The following NRG3 variants were observed in gnomAD, a reference collection of about 807,000 sequenced individuals.
The protein encoded by NRG3 is neuregulin 3, also known as pro-neuregulin-3, membrane-bound isoform.
NRG3 carries 31 observed loss-of-function variants against 66.9 expected under a neutral mutation model. That is an observed-to-expected ratio of 0.46 (90% CI 0.35 to 0.63). NRG3 has a LOEUF of 0.63. Among genes scored for constraint, NRG3 ranks in the 20% least tolerant of loss-of-function variants. NRG3 has a pLI of 0.00. For missense variants in NRG3, 910 were observed against 878.9 expected (o/e 1.04, Z -0.45); for synonymous variants, 393 against 359.4 (o/e 1.09, Z -1.06).
chr10:82,663,664 G>T (rs928798383), intron 2 of NRG3, among the ~76,000 whole-genome samples: 1 of 152,188 alleles, frequency 6.6e-6, no homozygotes, highest in African/African-American at 2.4e-5. Context: ...TTGCAGCTTT[G>T]GGGTGATGTG....
intron 2 of NRG3, among the ~76,000 whole-genome samples, chr10:82,544,569 C>G (rs1186182975): frequency 6.6e-6 from 1 of 152,128 alleles, no homozygotes; most frequent in East Asian, 1.9e-4. Flanking sequence ...CTCACTTGTC[C>G]TCTTCTTTAC....
chr10:82,092,831 A>G (rs532167597), intron 1 of NRG3, among the ~76,000 whole-genome samples: 1 of 152,274 alleles, frequency 6.6e-6, no homozygotes, highest in African/African-American at 2.4e-5. Context: ...CTCAGCTTTG[A>G]CACAAACTAC....
intron 2 of NRG3, among the ~76,000 whole-genome samples, chr10:82,701,012 C>T (rs561143139): frequency 4.0e-5 from 6 of 151,826 alleles, no homozygotes; most frequent in Non-Finnish European, 8.8e-5. Context: ...ATTAAACTCA[C>T]ATATAAGAGG....
intron 1 of NRG3, among the ~76,000 whole-genome samples, chr10:82,203,001 G>A (rs1489527980): frequency 7.9e-5 from 12 of 152,154 alleles, no homozygotes; most frequent in Admixed American, 5.2e-4. Flanking sequence ...TTAACTGGAG[G>A]CACATTAGGG....
intron 2 of NRG3, among the ~76,000 whole-genome samples, chr10:82,471,377 G>C (rs1841244524): frequency 6.6e-6 from 1 of 152,062 alleles, no homozygotes; most frequent in South Asian, 2.1e-4. Flanking sequence ...AAACTTGGCT[G>C]TCTCACTCTC....
At chr10:82,669,541 T>C (rs1468167774) in intron 2 of NRG3, among the ~76,000 whole-genome samples, 1 of 152,136 alleles carries the variant, frequency 6.6e-6, no homozygotes, top group African/African-American at 2.4e-5. Context: ...GTGTGACTGC[T>C]GGAAGGCACA....
At chr10:82,932,622 A>T (rs1407524603) in intron 4 of NRG3, among the ~76,000 whole-genome samples, 4 of 152,110 alleles carry the variant, frequency 2.6e-5, no homozygotes, top group Non-Finnish European at 4.4e-5. Flanking sequence ...GGATCAGATG[A>T]TTCCGGAAAC....
In NRG3 at chr10:82,136,857, C is replaced by T. The variant is rs149338148; in HGVS notation, c.824-221882C>T. Among the ~76,000 whole-genome samples the T allele has an allele frequency of 1.5e-3, 231 of 152,272 alleles. 3 individuals carry two copies. Among genetic ancestry groups the T allele is most frequent in the African/African-American group, 5.3e-3 (222 of 41,566 alleles). ...CCACTCTGACAGACAGCATCAAGTT[C>T]TAATGCGAAGTCTCACAATCACTGT... On this transcript the variant is annotated intron_variant, in intron 1 of 8. Coordinates refer to ENST00000372141, the MANE Select transcript of NRG3 (RefSeq NM_001010848.4).
chr10:82,124,841 A>G (rs1391525759), intron 1 of NRG3, among the ~76,000 whole-genome samples: 1 of 151,988 alleles, frequency 6.6e-6, no homozygotes, highest in East Asian at 1.9e-4. Flanking sequence ...TTCATCACAG[A>G]CTATTTACTT....
At chr10:82,873,696 A>C (rs1375539454) in intron 4 of NRG3, among the ~76,000 whole-genome samples, 2 of 152,200 alleles carry the variant, frequency 1.3e-5, no homozygotes, top group African/African-American at 4.8e-5. Flanking sequence ...AGATGTTTAT[A>C]TGAAAGCAGG....
intron 4 of NRG3, among the ~76,000 whole-genome samples, chr10:82,898,248 T>C (rs1033740058): frequency 6.6e-6 from 1 of 152,230 alleles, no homozygotes; most frequent in Non-Finnish European, 1.5e-5. Context: ...CCATCCTTTA[T>C]TGGTCTCTCC....
Position 82,520,535 on chromosome 10 carries a change from T to C in NRG3, c.953+161667T>C, listed in dbSNP as rs113337156. On this transcript the variant is annotated intron_variant, in intron 2 of 8. Transcript: ENST00000372141. ...CTCAACCAGCTTCTCTCATCTCAGC[T>C]TGTCTGTCTGTATAACTTGCCCCTG... 7.2e-3 allele frequency among the ~76,000 whole-genome samples: 1,092 copies of C among 152,254 alleles called. 9 individuals are homozygous for C. The highest frequency in any genetic ancestry group is 0.022 in the African/African-American group (907 of 41,530).
intron 1 of NRG3, among the ~76,000 whole-genome samples, chr10:82,262,000 G>T (rs1329112816): frequency 7.2e-5 from 11 of 152,114 alleles, no homozygotes. Flanking sequence ...CTCTCACCAT[G>T]TGATGCACCT....
chr10:82,832,497 T>A (rs2062576306), intron 3 of NRG3, among the ~76,000 whole-genome samples: 1 of 152,116 alleles, frequency 6.6e-6, no homozygotes, highest in African/African-American at 2.4e-5. Context: ...TACAAAGCAA[T>A]AATAATATAT....
intron 2 of NRG3, among the ~76,000 whole-genome samples, chr10:82,409,238 G>A (rs1418102384): frequency 1.3e-5 from 2 of 152,126 alleles, no homozygotes; most frequent in Admixed American, 6.5e-5. Context: ...TATTTGTACA[G>A]AAGAACACTT....
chr10:81,930,936 G>T (rs565501417), intron 1 of NRG3, among the ~76,000 whole-genome samples: 1 of 152,274 alleles, frequency 6.6e-6, no homozygotes, highest in South Asian at 2.1e-4. Flanking sequence ...GCATTCCATG[G>T]ACGGTTTGTA....
At chr10:82,935,406 C>T (rs1177946048) in intron 4 of NRG3, among the ~76,000 whole-genome samples, 1 of 152,150 alleles carries the variant, frequency 6.6e-6, no homozygotes, top group Non-Finnish European at 1.5e-5. Flanking sequence ...GGCTCTTTAT[C>T]TCAACAGTGA....
At chr10:82,392,674 C>T (rs891526677) in intron 2 of NRG3, among the ~76,000 whole-genome samples, 2 of 152,130 alleles carry the variant, frequency 1.3e-5, no homozygotes, top group African/African-American at 2.4e-5. Context: ...ATTGCAATAT[C>T]TTTCAAGCTG....
chr10:82,349,925 G>A (rs375750280), intron 1 of NRG3, among the ~76,000 whole-genome samples: 6 of 152,010 alleles, frequency 3.9e-5, no homozygotes, highest in South Asian at 4.1e-4. Flanking sequence ...GCTTCGGCTC[G>A]CGCACGGTGC....
Sources: allele counts gnomAD v4.1 joint callset (sites outside exome capture counted in the v4.1 genomes callset), GRCh38; gene constraint gnomAD v4.1.1; transcripts MANE v1.5; gene names NCBI Gene and HGNC (gene_info 2026-07-23, HGNC 2026-07-21).